The following SEC23B variants were observed in gnomAD, a reference collection of about 807,000 sequenced individuals.
The protein encoded by SEC23B is protein transport protein Sec23B.
SEC23B carries 77 observed loss-of-function variants against 104.3 expected under a neutral mutation model. That is an observed-to-expected ratio of 0.74 (90% CI 0.61 to 0.89). The LOEUF (loss-of-function observed/expected upper bound fraction) is 0.89. SEC23B is among the 40% of genes least tolerant of loss of function. The pLI, the probability that SEC23B is intolerant of heterozygous loss-of-function variation, is 0.00. For missense variants in SEC23B, 885 were observed against 949.4 expected (o/e 0.93, Z 0.89); for synonymous variants, 338 against 332.5 (o/e 1.02, Z -0.18).
chr20:18,519,243 G>A (rs2060061081), intron 4 of SEC23B, among the ~76,000 whole-genome samples: 1 of 152,138 alleles, frequency 6.6e-6, no homozygotes, highest in African/African-American at 2.4e-5. Flanking sequence ...GGTCAGGTGT[G>A]GTATCAGGAA....
intron 17 of SEC23B, among the ~76,000 whole-genome samples, chr20:18,553,278 T>G (rs1329959214): frequency 6.6e-6 from 1 of 152,184 alleles, no homozygotes; most frequent in Non-Finnish European, 1.5e-5. Flanking sequence ...CAACAGTCAA[T>G]CACAGCATTT....
At chr20:18,533,292 TTGTCC>T (rs2060202180) in intron 11 of SEC23B, among the ~76,000 whole-genome samples, 2 of 152,218 alleles carry the variant, frequency 1.3e-5, no homozygotes, top group South Asian at 4.1e-4. Context: ...GCTTTGCTTA[TTGTCC>T]ACTTCCTCTG....
At chr20:18,549,446 A>G (rs1306692401) in intron 16 of SEC23B, among the ~76,000 whole-genome samples, 1 of 152,184 alleles carries the variant, frequency 6.6e-6, no homozygotes, top group Non-Finnish European at 1.5e-5. Context: ...TACAGTACAG[A>G]TGCATATTTT....
rs147022547 is a variant in SEC23B at position 18,540,230 on chromosome 20, C to G, written c.1405-2066C>G. ...TGAAATGTGTTTCTTAAATTTAAGA[C>G]TTGAAAGTCAAAATTTCTCCTTGAT... On this transcript the variant is annotated intron_variant, in intron 12 of 19. Transcript: ENST00000650089. 1.7e-3 allele frequency among the ~76,000 whole-genome samples: 252 copies of G among 152,284 alleles called. 2 individuals carry two copies. The highest frequency in any genetic ancestry group is 5.6e-3 in the African/African-American group (234 of 41,564).
At chr20:18,543,696 C>T (rs138604667) in intron 14 of SEC23B, among the ~76,000 whole-genome samples, 33 of 152,228 alleles carry the variant, frequency 2.2e-4, no homozygotes, top group African/African-American at 7.7e-4. Flanking sequence ...GATAGAGCAC[C>T]AAAGGAAGTG....
At chr20:18,514,169 C>T (rs951695270) in intron 3 of SEC23B, among the ~76,000 whole-genome samples, 3 of 152,156 alleles carry the variant, frequency 2.0e-5, no homozygotes, top group African/African-American at 7.2e-5. Context: ...TTGTAACCTT[C>T]CTAGCTGGAC....
intron 10 of SEC23B, 95 bp from the exon 11 acceptor site, chr20:18,532,569 G>A (rs1347453005): frequency 1.1e-6 from 1 of 915,162 alleles, no homozygotes; most frequent in African/African-American, 1.6e-5. Flanking sequence ...GAATAGTAGT[G>A]TTATATTTTC....
chr20:18,524,760 A>G, intron 5 of SEC23B, 91 bp downstream of exon 5: 1 of 1,227,444 alleles, frequency 8.1e-7, no homozygotes, highest in Non-Finnish European at 1.2e-6. Flanking sequence ...CCCAGGCTGG[A>G]GTTCAGTGGT....
chr20:18,521,062 C>T (rs2060079646), intron 4 of SEC23B, among the ~76,000 whole-genome samples: 1 of 152,124 alleles, frequency 6.6e-6, no homozygotes, highest in Admixed American at 6.5e-5. Flanking sequence ...TTGAAGCAAG[C>T]TCCTGCGGGA....
chr20:18,558,883 A>G (rs1326742763), intron 19 of SEC23B, among the ~76,000 whole-genome samples: 1 of 152,168 alleles, frequency 6.6e-6, no homozygotes, highest in Non-Finnish European at 1.5e-5. Flanking sequence ...TGATTCTAAC[A>G]TTGTTGTCAA....
chr20:18,536,959 A>C (rs2060237655), intron 12 of SEC23B, among the ~76,000 whole-genome samples: 1 of 152,222 alleles, frequency 6.6e-6, no homozygotes, highest in African/African-American at 2.4e-5. Flanking sequence ...CATGTTCAGT[A>C]GGCTGAGGAG....
At chr20:18,541,503 C>G (rs1409799666) in intron 12 of SEC23B, among the ~76,000 whole-genome samples, 1 of 152,234 alleles carries the variant, frequency 6.6e-6, no homozygotes, top group African/African-American at 2.4e-5. Context: ...CTCTTCCTTT[C>G]ACTTGAACAC....
At position 18,543,157 on chromosome 20, in the gene SEC23B, A is replaced by C; in HGVS notation, c.1650A>C (p.Arg550=). ...CCGATGTGCTCCGGTGGCTGGACCG[A>C]CAACTCATCCGACTGGTAAATTGGG... ...EGPDVLRWLD[R]QLIRLCQKFG... The change falls in exon 14 of 20, where the codon CGA becomes CGC. Residue 550 remains arginine, a synonymous_variant. Coordinates refer to ENST00000650089, the MANE Select transcript of SEC23B (RefSeq NM_006363.6). 1 of 1,614,160 alleles carries C rather than the reference A, an allele frequency of 6.2e-7. No homozygotes were observed. The highest frequency in any genetic ancestry group is 1.1e-5 in the South Asian group (1 of 91,084).
At chr20:18,512,921 T>TA (rs2059993906) in intron 3 of SEC23B, among the ~76,000 whole-genome samples, 2 of 151,848 alleles carry the variant, frequency 1.3e-5, no homozygotes, top group African/African-American at 4.8e-5. Flanking sequence ...CGCGGTGACT[T>TA]ACGCCTATAA....
chr20:18,551,639 G>A (rs1162051454), intron 17 of SEC23B, among the ~76,000 whole-genome samples: 4 of 151,914 alleles, frequency 2.6e-5, no homozygotes, highest in South Asian at 2.1e-4. Context: ...ACTTAAACCC[G>A]GGAGGTTGAG....
chr20:18,555,172 A>G lies in SEC23B; in HGVS notation c.2213A>G (p.Gln738Arg). The G allele has an allele frequency of 6.2e-7, 1 of 1,612,568 alleles. No individual in the cohort carries two copies. Among genetic ancestry groups the G allele is most frequent in the South Asian group, 1.1e-5 (1 of 91,032 alleles). Reference sequence around the variant, plus strand: ...CACAATAACCTGTATGCTTGGGGACAGGTAAGAAATCTTCAGGTATTTGGG... The same window carrying G: ...CACAATAACCTGTATGCTTGGGGACGGGTAAGAAATCTTCAGGTATTTGGG... Reference protein sequence around the residue: ...QTHNNLYAWGQETGAPILTDD... With the variant: ...QTHNNLYAWGRETGAPILTDD... The change falls in exon 19 of 20, where the codon CAG (glutamine) becomes CGG (arginine). Residue 738 changes from glutamine (Q) to arginine (R), a missense_variant and splice_region_variant. By Grantham distance (43) the Gln-to-Arg change is conservative. Coordinates refer to ENST00000650089, the MANE Select transcript of SEC23B (RefSeq NM_006363.6).
intron 19 of SEC23B, among the ~76,000 whole-genome samples, chr20:18,560,040 G>A (rs1201268261): frequency 8.7e-6 from 1 of 114,448 alleles, no homozygotes; most frequent in Non-Finnish European, 2.0e-5. Context: ...AAATTACCTA[G>A]AATCATTATT....
At chr20:18,523,796 C>G (rs2060108443) in intron 4 of SEC23B, among the ~76,000 whole-genome samples, 1 of 151,856 alleles carries the variant, frequency 6.6e-6, no homozygotes, top group Non-Finnish European at 1.5e-5. Context: ...CCTCAAATTC[C>G]TGGGCTTAAG....
intron 12 of SEC23B, among the ~76,000 whole-genome samples, chr20:18,538,746 T>C (rs1284672853): frequency 1.3e-5 from 2 of 152,202 alleles, no homozygotes. Context: ...ATTGTAAATC[T>C]TGTCATTTCA....
Sources: gnomAD v4.1 joint callset for allele counts (sites outside exome capture counted in the v4.1 genomes callset) on GRCh38, gnomAD v4.1.1 for gene constraint, MANE v1.5 for transcripts, NCBI Gene and HGNC (gene_info 2026-07-23, HGNC 2026-07-21) for gene names.